RIMS2: variants seen among roughly 807,000 people sequenced by gnomAD.
The protein encoded by RIMS2 is regulating synaptic membrane exocytosis protein 2.
RIMS2 carries 59 observed loss-of-function variants against 174.4 expected under a neutral mutation model. The ratio of observed to expected loss-of-function variants is 0.34; its 90% CI spans 0.27 to 0.42. The LOEUF (loss-of-function observed/expected upper bound fraction) is 0.42. Among genes scored for constraint, RIMS2 ranks in the 10% least tolerant of loss-of-function variants. The pLI, the probability that RIMS2 is intolerant of heterozygous loss-of-function variation, is 1.00. For missense variants in RIMS2, 1,620 were observed against 1,666.3 expected (o/e 0.97, Z 0.48); for synonymous variants, 606 against 572.5 (o/e 1.06, Z -0.84).
chr8:103,763,685 A>G (rs1392130706), intron 2 of RIMS2, among the ~76,000 whole-genome samples: 1 of 152,164 alleles, frequency 6.6e-6, no homozygotes, highest in Non-Finnish European at 1.5e-5. Context: ...TTTAATGGGA[A>G]TCAGACATCA....
At position 104,230,279 on chromosome 8, in the gene RIMS2, C is replaced by CAA. The variant is rs34786751; in HGVS notation, c.3335-14622_3335-14621dup. ...GGGCAACGAGAGCAAAACTACATCT[C>CAA]AAAAAAAAAAAAAAAATAGGTTTTG... On this transcript the variant is annotated intron_variant, in intron 19 of 23. Transcript: ENST00000504942. Among the ~76,000 whole-genome samples, 964 of 111,100 alleles carry CAA rather than the reference C, an allele frequency of 8.7e-3. 5 individuals are homozygous for CAA. The highest frequency in any genetic ancestry group is 0.015 in the Non-Finnish European group (765 of 51,338). The allele number at this position is 111,100 out of a possible 152,430, so 72.9% of individuals were successfully genotyped here. A position where few individuals can be genotyped will look rare whatever the true frequency, so the allele number is the denominator to read the frequency against.
chr8:103,791,254 A>T (rs202081737), intron 3 of RIMS2, among the ~76,000 whole-genome samples: 2 of 152,192 alleles, frequency 1.3e-5, no homozygotes, highest in African/African-American at 4.8e-5. Flanking sequence ...AGAAGAGAAT[A>T]GGGGCCAATA....
At chr8:104,090,614 C>A (rs1165835681) in intron 19 of RIMS2, among the ~76,000 whole-genome samples, 1 of 151,632 alleles carries the variant, frequency 6.6e-6, no homozygotes, top group Non-Finnish European at 1.5e-5. Context: ...TCTATGTCAG[C>A]CAAGAAGTGT....
chr8:104,148,747 G>A, intron 19 of RIMS2: 1 of 1,598,352 alleles, frequency 6.3e-7, no homozygotes, highest in Non-Finnish European at 8.5e-7. Flanking sequence ...GGCACCTTGG[G>A]CACCAGTGGC....
chr8:103,536,337 C>T (rs1045976651), intron 1 of RIMS2, among the ~76,000 whole-genome samples: 1 of 152,048 alleles, frequency 6.6e-6, no homozygotes, highest in Admixed American at 6.5e-5. Context: ...CTTTAAGACT[C>T]TCCATGGACC....
chr8:104,104,997 G>A (rs1380572527), intron 19 of RIMS2, among the ~76,000 whole-genome samples: 2 of 152,188 alleles, frequency 1.3e-5, no homozygotes, highest in East Asian at 3.8e-4. Context: ...TGTAATGGAA[G>A]AGAAGATAAA....
intron 19 of RIMS2, among the ~76,000 whole-genome samples, chr8:104,026,681 A>C (rs2096265572): frequency 6.6e-6 from 1 of 152,228 alleles, no homozygotes; most frequent in Non-Finnish European, 1.5e-5. Context: ...ATATTTAAAA[A>C]GTTTACAAAG....
At chr8:104,041,851 C>G (rs564111388) in intron 19 of RIMS2, among the ~76,000 whole-genome samples, 47 of 151,654 alleles carry the variant, frequency 3.1e-4, no homozygotes, top group African/African-American at 1.1e-3. Flanking sequence ...GGATAACATG[C>G]ACTGTTTATG....
intron 19 of RIMS2, among the ~76,000 whole-genome samples, chr8:104,054,167 G>C (rs2154559238): frequency 6.6e-6 from 1 of 152,236 alleles, no homozygotes. Flanking sequence ...CTTAATCTGA[G>C]AGTAACCCCA....
At chr8:103,781,751 T>C (rs1279299986) in intron 3 of RIMS2, among the ~76,000 whole-genome samples, 2 of 146,530 alleles carry the variant, frequency 1.4e-5, no homozygotes, top group East Asian at 4.0e-4. Flanking sequence ...TTTTTTTTTT[T>C]TTTTTTTTTT....
At chr8:103,740,838 T>C (rs1260835421) in intron 2 of RIMS2, among the ~76,000 whole-genome samples, 1 of 152,138 alleles carries the variant, frequency 6.6e-6, no homozygotes, top group African/African-American at 2.4e-5. Flanking sequence ...AACAAATACA[T>C]GAACAAACTT....
chr8:103,652,008 T>TAA (rs2096460391), intron 1 of RIMS2, among the ~76,000 whole-genome samples, 197 bp from the exon 2 acceptor site: 1 of 152,324 alleles, frequency 6.6e-6, no homozygotes, highest in Admixed American at 6.5e-5. Flanking sequence ...ATATTAGTTT[T>TAA]CTGTTAAGGA....
chr8:104,221,827 GACAA>G (rs756224821), intron 19 of RIMS2, among the ~76,000 whole-genome samples: 23 of 152,202 alleles, frequency 1.5e-4, no homozygotes, highest in African/African-American at 2.4e-4. Flanking sequence ...ATGTGCAATG[GACAA>G]ACAAAGTCCT....
At chr8:103,599,774 C>T (rs556376075) in intron 1 of RIMS2, among the ~76,000 whole-genome samples, 3 of 151,818 alleles carry the variant, frequency 2.0e-5, no homozygotes, top group Admixed American at 1.3e-4. Context: ...AATTTTTGTG[C>T]ATACATAGTA....
At chr8:104,133,876 A>G (rs2098495086) in intron 19 of RIMS2, among the ~76,000 whole-genome samples, 1 of 152,174 alleles carries the variant, frequency 6.6e-6, no homozygotes. Flanking sequence ...ACACTGAAGA[A>G]GGAATATGTT....
At chr8:104,112,277 C>T (rs116948621) in intron 19 of RIMS2, among the ~76,000 whole-genome samples, 1 of 152,012 alleles carries the variant, frequency 6.6e-6, no homozygotes, top group Non-Finnish European at 1.5e-5. Context: ...TCAGAGTCTT[C>T]ACCATTTTAT....
chr8:103,849,275 G>C (rs1205038650), intron 3 of RIMS2, among the ~76,000 whole-genome samples: 1 of 152,048 alleles, frequency 6.6e-6, no homozygotes, highest in Non-Finnish European at 1.5e-5. Flanking sequence ...CCTAGTGTCT[G>C]TCTCTAGGTT....
chr8:103,843,635 T>G (rs979260914), intron 3 of RIMS2, among the ~76,000 whole-genome samples: 3 of 152,208 alleles, frequency 2.0e-5, no homozygotes, highest in Non-Finnish European at 2.9e-5. Context: ...TTTCTTCTTT[T>G]GAAGGCACAC....
intron 19 of RIMS2, among the ~76,000 whole-genome samples, chr8:104,062,417 T>A (rs67565736): frequency 0.25 from 37,452 of 152,038 alleles, 4,880 homozygotes; most frequent in South Asian, 0.35. Flanking sequence ...AAAAAAATTT[T>A]AAAAAAATTC....
Sources: allele counts gnomAD v4.1 joint callset (sites outside exome capture counted in the v4.1 genomes callset), GRCh38; gene constraint gnomAD v4.1.1; transcripts MANE v1.5; gene names NCBI Gene and HGNC (gene_info 2026-07-23, HGNC 2026-07-21).